NCAPH: variants seen among roughly 807,000 people sequenced by gnomAD.
NCAPH encodes condensin complex subunit 2.
A neutral mutation model predicts 85.5 loss-of-function variants in NCAPH; 38 were observed. The observed-to-expected ratio is 0.44, with a 90% confidence interval of 0.34 to 0.58. The LOEUF (loss-of-function observed/expected upper bound fraction) is 0.58, where lower values mean the gene tolerates loss of function less well. Ranked by LOEUF, NCAPH falls within the 20% of genes least tolerant of loss-of-function variation. NCAPH has a pLI of 0.01. For missense variants in NCAPH, 789 were observed against 916.6 expected (o/e 0.86, Z 1.80); for synonymous variants, 301 against 335.1 (o/e 0.90, Z 1.11).
Position 96,375,954 on chromosome 2 carries a change from C to T in NCAPH, c.*2603C>T, listed in dbSNP as rs2064827189. ...AAGGTCCCCACCAGCAAGAAGGCTCCCACCAGATATGGACTCAACCTGGGA... is the reference window on the plus strand; with the variant it reads ...AAGGTCCCCACCAGCAAGAAGGCTCTCACCAGATATGGACTCAACCTGGGA... On this transcript the variant is annotated 3_prime_UTR_variant, in exon 18 of 18. Coordinates refer to ENST00000240423, the MANE Select transcript of NCAPH (RefSeq NM_015341.5). 1.3e-5 allele frequency among the ~76,000 whole-genome samples: 2 copies of T among 152,112 alleles called. No individual in the cohort carries two copies. Among genetic ancestry groups the T allele is most frequent in the African/African-American group, 2.4e-5 (1 of 41,414 alleles).
chr2:96,359,115 G>A lies in NCAPH; in HGVS notation c.1279G>A (p.Glu427Lys), dbSNP rs902388434. ...MCPLLSMKPG[E>K]YSYFSPRTMS... ...CCCCCTTCTGTCTATGAAACCTGGAGAATATTCTTATTTCAGTCCTCGGAC... is the reference window on the plus strand; with the variant it reads ...CCCCCTTCTGTCTATGAAACCTGGAAAATATTCTTATTTCAGTCCTCGGAC... Residue 427 changes from glutamate to lysine, a missense_variant, in exon 10 of 18, where the codon GAA (glutamate) becomes AAA (lysine). Transcript: ENST00000240423. 1 of 1,614,226 alleles carries A rather than the reference G, an allele frequency of 6.2e-7. No homozygotes were observed. Among genetic ancestry groups the A allele is most frequent in the Non-Finnish European group, 8.5e-7 (1 of 1,180,034 alleles).
intron 7 of NCAPH, among the ~76,000 whole-genome samples, chr2:96,353,058 A>C (rs1409078815): frequency 6.6e-6 from 1 of 152,192 alleles, no homozygotes; most frequent in Admixed American, 6.5e-5. Context: ...TATTTTACTA[A>C]TTTGTGCGAT....
At position 96,351,907 on chromosome 2, in the gene NCAPH, A is replaced by G; in HGVS notation, c.797A>G (p.His266Arg). 1 of 1,614,080 alleles carries G rather than the reference A, an allele frequency of 6.2e-7. No individual in the cohort carries two copies. The highest frequency in any genetic ancestry group is 8.5e-7 in the Non-Finnish European group (1 of 1,179,946). Residue 266 changes from histidine (H) to arginine (R), a missense_variant, in exon 7 of 18, where the codon CAC becomes CGC. Coordinates refer to ENST00000240423, the MANE Select transcript of NCAPH (RefSeq NM_015341.5). Reference sequence around the variant, plus strand: ...GCAGGGGTGTTTCTGTCCACTCTCCACTGCCAGGACTACAGAAGTGAACTG... The same window carrying G: ...GCAGGGGTGTTTCTGTCCACTCTCCGCTGCCAGGACTACAGAAGTGAACTG... ...STAGVFLSTL[H>R]CQDYRSELLF...
chr2:96,357,702 A>T (rs949577435), intron 9 of NCAPH, among the ~76,000 whole-genome samples: 12 of 152,148 alleles, frequency 7.9e-5, no homozygotes, highest in African/African-American at 2.4e-4. Flanking sequence ...TTATTTTTTT[A>T]AATTAGGTTT....
rs1388766975 is a variant in NCAPH at position 96,376,240 on chromosome 2, G to A, written c.*2889G>A. Among the ~76,000 whole-genome samples, 4 of 152,338 alleles carry A rather than the reference G, an allele frequency of 2.6e-5. No homozygotes were observed. In the Middle Eastern group the frequency reaches 0.01, roughly 389 times the overall value. ...TGCCAAACAGAACCAGAATTTAAGG[G>A]CAGGAGAATTTGCAAGATAGAATTT... On this transcript the variant is annotated 3_prime_UTR_variant, in exon 18 of 18. Transcript: ENST00000240423.
intron 6 of NCAPH, among the ~76,000 whole-genome samples, chr2:96,348,781 A>G (rs2064396642): frequency 6.6e-6 from 1 of 151,934 alleles, no homozygotes; most frequent in Admixed American, 6.6e-5. Flanking sequence ...TCAGCCTCCC[A>G]TGTAGCTGGG....
intron 12 of NCAPH, among the ~76,000 whole-genome samples, chr2:96,361,830 T>TATATA (rs1558800403): frequency 3.5e-4 from 27 of 77,722 alleles, no homozygotes; most frequent in African/African-American, 1.5e-3. Flanking sequence ...ATATATATAT[T>TATATA]TTTTTTTTTT....
At chr2:96,367,894 T>C (rs1296409564) in intron 15 of NCAPH, among the ~76,000 whole-genome samples, 1 of 152,258 alleles carries the variant, frequency 6.6e-6, no homozygotes, top group Non-Finnish European at 1.5e-5. Flanking sequence ...TTGGAGTACT[T>C]ATTCACTGCT....
chr2:96,346,935 G>A (rs2064369694), intron 6 of NCAPH, among the ~76,000 whole-genome samples: 1 of 151,852 alleles, frequency 6.6e-6, no homozygotes, highest in Non-Finnish European at 1.5e-5. Flanking sequence ...ATCAACATAT[G>A]GATATTGAAA....
intron 12 of NCAPH, 51 bp downstream of exon 12, chr2:96,360,761 T>C (rs779478242): frequency 6.2e-7 from 1 of 1,608,752 alleles, no homozygotes; most frequent in Non-Finnish European, 8.5e-7. Flanking sequence ...AAGTGGCTGA[T>C]AGTATGACAG....
chr2:96,369,006 T>C lies in NCAPH; in HGVS notation c.2033T>C (p.Leu678Pro), dbSNP rs750038064. Residue 678 changes from leucine (L) to proline (P), a missense_variant, in exon 16 of 18, where the codon CTG (leucine) becomes CCG (proline). Physicochemically the swap from Leu to Pro is moderately conservative, Grantham distance 98. Coordinates refer to ENST00000240423, the MANE Select transcript of NCAPH (RefSeq NM_015341.5). Reference protein sequence around the residue: ...NHREAGKEAALAEVADEKMLS... With the variant: ...NHREAGKEAAPAEVADEKMLS... ...AGGGAAGCTGGAAAAGAAGCGGCCCTGGCAGAAGTGGCTGACGAGAAGATG... is the reference window on the plus strand; with the variant it reads ...AGGGAAGCTGGAAAAGAAGCGGCCCCGGCAGAAGTGGCTGACGAGAAGATG... The C allele has an allele frequency of 1.1e-5, 17 of 1,556,328 alleles. No homozygotes were observed. The highest frequency in any genetic ancestry group is 1.9e-5 in the Admixed American group (1 of 51,298).
rs927487918 is a variant in NCAPH at position 96,376,750 on chromosome 2, G to C, written c.*3399G>C. ...GCTCAGCACTGAGGCAGCAAGCCATGATCTAGGTCTTCGAGTAGAATTCTC... is the reference window on the plus strand; with the variant it reads ...GCTCAGCACTGAGGCAGCAAGCCATCATCTAGGTCTTCGAGTAGAATTCTC... On this transcript the variant is annotated 3_prime_UTR_variant, in exon 18 of 18. Coordinates refer to ENST00000240423, the MANE Select transcript of NCAPH (RefSeq NM_015341.5). 6.6e-6 allele frequency among the ~76,000 whole-genome samples: 1 copy of C among 152,176 alleles called. No homozygotes were observed. The highest frequency in any genetic ancestry group is 1.5e-5 in the Non-Finnish European group (1 of 68,030).
At chr2:96,360,536 G>A (rs535145560) in intron 11 of NCAPH, 52 bp from the exon 12 acceptor site, 6 of 1,602,318 alleles carry the variant, frequency 3.7e-6, no homozygotes, top group Non-Finnish European at 4.3e-6. Flanking sequence ...AAAGTAAGAT[G>A]TTTTGCCCAC....
rs138165085 is a variant in NCAPH, at chr2:96,342,494, G to A, written c.364-262G>A. Among the ~76,000 whole-genome samples the A allele has an allele frequency of 9.2e-5, 14 of 152,282 alleles. 1 individual carries two copies. The highest frequency in any genetic ancestry group is 3.4e-4 in the African/African-American group (14 of 41,542). On this transcript the variant is annotated intron_variant, in intron 3 of 17. Coordinates refer to ENST00000240423, the MANE Select transcript of NCAPH (RefSeq NM_015341.5). ...GCCTGCCTCATGAAGTTGTTTGGAG[G>A]GTGAGTCCCTTTGTGTGCAGTGCTT...
chr2:96,353,990 A>G (rs1268505468), intron 8 of NCAPH, among the ~76,000 whole-genome samples, 193 bp from the exon 9 acceptor site: 1 of 152,170 alleles, frequency 6.6e-6, no homozygotes, highest in African/African-American at 2.4e-5. Flanking sequence ...GTGCTGCACA[A>G]TATAAACTTC....
chr2:96,367,583 G>A (rs1573096710), intron 15 of NCAPH, among the ~76,000 whole-genome samples: 1 of 152,198 alleles, frequency 6.6e-6, no homozygotes, highest in African/African-American at 2.4e-5. Context: ...AGGAGTTTGA[G>A]GTTACAGTGA....
intron 6 of NCAPH, among the ~76,000 whole-genome samples, chr2:96,344,766 T>C (rs984643312): frequency 2.0e-5 from 3 of 152,364 alleles, no homozygotes; most frequent in Non-Finnish European, 4.4e-5. Flanking sequence ...CAAATGGTAC[T>C]GGAGGCCTCA....
intron 5 of NCAPH, among the ~76,000 whole-genome samples, chr2:96,343,638 G>T (rs1376347693): frequency 1.3e-5 from 2 of 152,040 alleles, no homozygotes; most frequent in Non-Finnish European, 2.9e-5. Context: ...TCCATAAGTT[G>T]CAGATTAAAT....
chr2:96,360,859 CAAAG>C (rs1244958805), intron 12 of NCAPH, 149 bp downstream of exon 12: 15 of 1,003,598 alleles, frequency 1.5e-5, no homozygotes, highest in Non-Finnish European at 2.0e-5. Context: ...ATAGATAAGG[CAAAG>C]AAAGCTAAAA....
Sources: gnomAD v4.1 joint callset for allele counts (sites outside exome capture counted in the v4.1 genomes callset) on GRCh38, gnomAD v4.1.1 for gene constraint, MANE v1.5 for transcripts, NCBI Gene and HGNC (gene_info 2026-07-23, HGNC 2026-07-21) for gene names.